Variants in PGCKA1 observed in about 807,000 individuals in gnomAD.
The protein encoded by PGCKA1 is PDCD10 and GCKIII kinases associated 1.
chr4:37,557,137 T>C, the PGCKA1 span, among the ~76,000 whole-genome samples: 2 of 152,262 alleles, frequency 1.3e-5, no homozygotes, highest in African/African-American at 2.4e-5. Flanking sequence ...GAGAAGTGAA[T>C]ACAAATCTGA....
chr4:37,541,514 G>A, the PGCKA1 span, among the ~76,000 whole-genome samples: 5 of 152,200 alleles, frequency 3.3e-5, no homozygotes, highest in Non-Finnish European at 7.3e-5. Context: ...CCCTCTACCA[G>A]CCCCTCTTAG....
the PGCKA1 span, among the ~76,000 whole-genome samples, chr4:37,490,069 A>G: frequency 6.6e-6 from 1 of 152,178 alleles, no homozygotes; most frequent in Non-Finnish European, 1.5e-5. Flanking sequence ...GAATCAATCT[A>G]AGATTCTTGT....
At chr4:37,482,710 C>T in the PGCKA1 span, among the ~76,000 whole-genome samples, 2 of 152,058 alleles carry the variant, frequency 1.3e-5, no homozygotes, top group Non-Finnish European at 1.5e-5. Context: ...TAATGGCAGC[C>T]CCTCCCATCA....
chr4:37,567,873 A>T, the PGCKA1 span, among the ~76,000 whole-genome samples: 3 of 152,228 alleles, frequency 2.0e-5, no homozygotes, highest in African/African-American at 7.2e-5. Flanking sequence ...GGGAAAAAAT[A>T]GTATCAGATC....
the PGCKA1 span, among the ~76,000 whole-genome samples, chr4:37,568,207 G>C: frequency 6.6e-6 from 1 of 152,224 alleles, no homozygotes; most frequent in African/African-American, 2.4e-5. Flanking sequence ...ATTCCAGAGG[G>C]TTCAGGGCCA....
chr4:37,569,601 A>G, the PGCKA1 span, among the ~76,000 whole-genome samples: 6 of 152,192 alleles, frequency 3.9e-5, no homozygotes, highest in Non-Finnish European at 7.3e-5. Context: ...CTCCAGTGAT[A>G]ATTAGGACTG....
the PGCKA1 span, among the ~76,000 whole-genome samples, chr4:37,557,515 C>T: frequency 6.6e-6 from 1 of 152,204 alleles, no homozygotes; most frequent in Admixed American, 6.5e-5. Context: ...CATAGATAAC[C>T]ATCGTTCGCT....
At chr4:37,485,752 G>A in the PGCKA1 span, among the ~76,000 whole-genome samples, 2 of 152,136 alleles carry the variant, frequency 1.3e-5, no homozygotes, top group African/African-American at 4.8e-5. Flanking sequence ...TAACATAATG[G>A]TCAAAAGATG....
chr4:37,472,646 A>G, the PGCKA1 span, among the ~76,000 whole-genome samples: 1 of 152,338 alleles, frequency 6.6e-6, no homozygotes, highest in East Asian at 1.9e-4. Flanking sequence ...TCTAATGGTC[A>G]TATTTCACCC....
At chr4:37,574,661 A>T in the PGCKA1 span, among the ~76,000 whole-genome samples, 1 of 152,202 alleles carries the variant, frequency 6.6e-6, no homozygotes, top group Non-Finnish European at 1.5e-5. Flanking sequence ...TATTGACTGT[A>T]GTCACCTGTT....
chr4:37,491,724 G>A, the PGCKA1 span, among the ~76,000 whole-genome samples: 2 of 151,958 alleles, frequency 1.3e-5, no homozygotes, highest in South Asian at 4.2e-4. Flanking sequence ...TCCAGTTTGG[G>A]GGAATTTTCT....
chr4:37,497,336 TGATG>T, the PGCKA1 span, among the ~76,000 whole-genome samples: 4 of 152,230 alleles, frequency 2.6e-5, no homozygotes, highest in African/African-American at 9.6e-5. Context: ...ACTCGTTGAT[TGATG>T]GGCATTTGGG....
the PGCKA1 span, among the ~76,000 whole-genome samples, chr4:37,466,629 A>G: frequency 1.3e-5 from 2 of 152,210 alleles, no homozygotes; most frequent in East Asian, 1.9e-4. Flanking sequence ...AGAGGCAATT[A>G]TAGAGTGAGA....
At chr4:37,567,030 G>A in the PGCKA1 span, among the ~76,000 whole-genome samples, 1 of 151,876 alleles carries the variant, frequency 6.6e-6, no homozygotes, top group Non-Finnish European at 1.5e-5. Flanking sequence ...AGCTATTGGA[G>A]CACAAACTGC....
the PGCKA1 span, among the ~76,000 whole-genome samples, chr4:37,502,933 T>A: frequency 3.9e-5 from 6 of 152,114 alleles, no homozygotes; most frequent in Non-Finnish European, 8.8e-5. Context: ...GGACTGGCCC[T>A]GTCTGATGGG....
the PGCKA1 span, among the ~76,000 whole-genome samples, chr4:37,489,329 G>A: frequency 6.6e-6 from 1 of 152,014 alleles, no homozygotes; most frequent in Non-Finnish European, 1.5e-5. Context: ...TGTATGCTAT[G>A]GTCTCATTTT....
the PGCKA1 span, among the ~76,000 whole-genome samples, chr4:37,572,063 C>CTTTT: frequency 2.7e-4 from 24 of 89,992 alleles, no homozygotes; most frequent in South Asian, 7.9e-4. Flanking sequence ...TTTTTTTTTT[C>CTTTT]TTTTTTTTTT....
the PGCKA1 span, among the ~76,000 whole-genome samples, chr4:37,491,718 G>A: frequency 1.3e-5 from 2 of 152,044 alleles, no homozygotes; most frequent in Non-Finnish European, 1.5e-5. Context: ...CTACCCTCCA[G>A]TTTGGGGGAA....
chr4:37,535,021 G>A, the PGCKA1 span, among the ~76,000 whole-genome samples: 1 of 152,140 alleles, frequency 6.6e-6, no homozygotes, highest in African/African-American at 2.4e-5. Context: ...TCCAACTCTT[G>A]TCTAAGAGGT....
Sources: gnomAD v4.1 joint callset for allele counts (sites outside exome capture counted in the v4.1 genomes callset) on GRCh38, gnomAD v4.1.1 for gene constraint, MANE v1.5 for transcripts, NCBI Gene and HGNC (gene_info 2026-07-23, HGNC 2026-07-21) for gene names.